UNC5D: variants seen among roughly 807,000 people sequenced by gnomAD.
The protein encoded by UNC5D is netrin receptor UNC5D.
In UNC5D, 39 loss-of-function variants were observed where a neutral mutation model predicts 105.4. The ratio of observed to expected loss-of-function variants is 0.37; its 90% CI spans 0.29 to 0.48. The LOEUF is 0.48. Among genes scored for constraint, UNC5D ranks in the 20% least tolerant of loss-of-function variants. The pLI is 0.98. For synonymous variants in UNC5D, 452 were observed against 450.4 expected (o/e 1.00, Z -0.04); for missense variants, 991 against 1,202.4 (o/e 0.82, Z 2.60).
chr8:35,788,916 G>A (rs1401408718), intron 16 of UNC5D, among the ~76,000 whole-genome samples: 1 of 151,388 alleles, frequency 6.6e-6, no homozygotes, highest in Admixed American at 6.6e-5. Flanking sequence ...ATCTACCCTT[G>A]TTCGTTCTTC....
intron 4 of UNC5D, among the ~76,000 whole-genome samples, chr8:35,660,942 T>TA (rs907172860): frequency 5.3e-5 from 8 of 151,994 alleles, no homozygotes; most frequent in African/African-American, 1.9e-4. Context: ...AATATTTATT[T>TA]AAAAAACTAG....
chr8:35,686,545 TG>T lies in UNC5D; in HGVS notation c.922del (p.Asp308MetfsTer40). ...TGGTTTCTTTTGTTTCCCTTTGAAG[TG>T]GATGGGAGCTGGGAAGTGTGGAGCG... ...QKITCTSLCP[V>X]DGSWEVWSEW... On this transcript the variant is annotated frameshift_variant and splice_region_variant, in exon 7 of 17. Transcript: ENST00000404895. LOFTEE classifies it high-confidence loss of function. 6.4e-7 allele frequency: 1 copy of T among 1,557,548 alleles called. No individual in the cohort carries two copies. The highest frequency in any genetic ancestry group is 2.4e-5 in the East Asian group (1 of 41,698).
At chr8:35,293,676 A>C (rs973537222) in intron 1 of UNC5D, among the ~76,000 whole-genome samples, 2 of 152,188 alleles carry the variant, frequency 1.3e-5, no homozygotes. Flanking sequence ...CAACATCTGG[A>C]CATAATTTTG....
chr8:35,374,985 T>C (rs543543308), intron 1 of UNC5D, among the ~76,000 whole-genome samples: 2 of 152,282 alleles, frequency 1.3e-5, no homozygotes, highest in South Asian at 2.1e-4. Flanking sequence ...TACAACATTT[T>C]CTATATTATT....
At chr8:35,450,755 A>G (rs1341444849) in intron 1 of UNC5D, among the ~76,000 whole-genome samples, 1 of 152,208 alleles carries the variant, frequency 6.6e-6, no homozygotes, top group Admixed American at 6.5e-5. Context: ...CGCCTTCCAT[A>G]GAAACCATAA....
intron 1 of UNC5D, chr8:35,254,430 C>T (rs1329916372): frequency 1.3e-5 from 2 of 152,070 alleles, no homozygotes; most frequent in African/African-American, 2.4e-5. Context: ...ATTCCATGAT[C>T]AAATGGCTGA....
intron 1 of UNC5D, among the ~76,000 whole-genome samples, chr8:35,466,968 C>A (rs1418545833): frequency 1.3e-5 from 2 of 152,104 alleles, no homozygotes; most frequent in African/African-American, 4.8e-5. Flanking sequence ...CTTGCTGCAA[C>A]TTAATTTTAC....
At chr8:35,385,677 G>A (rs754779716) in intron 1 of UNC5D, among the ~76,000 whole-genome samples, 1 of 152,016 alleles carries the variant, frequency 6.6e-6, no homozygotes. Context: ...GTGTTAGCCA[G>A]GATGGTCTCG....
chr8:35,509,235 C>T (rs969005106), intron 1 of UNC5D, among the ~76,000 whole-genome samples: 80 of 151,944 alleles, frequency 5.3e-4, no homozygotes, highest in African/African-American at 1.9e-3. Flanking sequence ...GTATCAGAAT[C>T]ACAGGAATAG....
At chr8:35,376,211 C>T (rs1802693620) in intron 1 of UNC5D, among the ~76,000 whole-genome samples, 1 of 152,120 alleles carries the variant, frequency 6.6e-6, no homozygotes, top group Non-Finnish European at 1.5e-5. Flanking sequence ...ATCATTTGTT[C>T]CATGCATTTT....
intron 1 of UNC5D, among the ~76,000 whole-genome samples, chr8:35,270,655 T>A (rs1313195935): frequency 6.6e-6 from 1 of 152,216 alleles, no homozygotes; most frequent in Admixed American, 6.5e-5. Flanking sequence ...AAATTAAAAC[T>A]AAAATCTTGT....
intron 12 of UNC5D, among the ~76,000 whole-genome samples, chr8:35,749,994 A>AC (rs1830192576): frequency 6.6e-6 from 1 of 151,776 alleles, no homozygotes; most frequent in Non-Finnish European, 1.5e-5. Flanking sequence ...AGTTGTAAAA[A>AC]AAAAAAAGTT....
At chr8:35,685,399 C>G (rs1825940280) in intron 6 of UNC5D, among the ~76,000 whole-genome samples, 1 of 152,092 alleles carries the variant, frequency 6.6e-6, no homozygotes, top group African/African-American at 2.4e-5. Flanking sequence ...TGGAAGATGA[C>G]TTTCTTCATG....
At chr8:35,764,432 C>T (rs147340779) in intron 14 of UNC5D, among the ~76,000 whole-genome samples, 1 of 152,060 alleles carries the variant, frequency 6.6e-6, no homozygotes, top group South Asian at 2.1e-4. Context: ...GGAGGAAGGG[C>T]TGCCCATGGT....
At chr8:35,686,405 A>ATT (rs770009658) in intron 6 of UNC5D, 140 bp from the exon 7 acceptor site, 34 of 896,950 alleles carry the variant, frequency 3.8e-5, no homozygotes, top group Non-Finnish European at 4.3e-5. Flanking sequence ...TGGAGAGAAG[A>ATT]TAAGTGGATA....
At chr8:35,381,312 C>G (rs1227641216) in intron 1 of UNC5D, among the ~76,000 whole-genome samples, 1 of 152,100 alleles carries the variant, frequency 6.6e-6, no homozygotes, top group African/African-American at 2.4e-5. Context: ...AATAATTTAT[C>G]TTGTTCTTTT....
chr8:35,343,481 T>C (rs182413247), intron 1 of UNC5D, among the ~76,000 whole-genome samples: 3 of 152,122 alleles, frequency 2.0e-5, no homozygotes, highest in Admixed American at 1.3e-4. Flanking sequence ...TGGTTTATTG[T>C]TTATAGCTTA....
At chr8:35,300,176 G>A (rs1263820218) in intron 1 of UNC5D, among the ~76,000 whole-genome samples, 1 of 151,942 alleles carries the variant, frequency 6.6e-6, no homozygotes, top group Non-Finnish European at 1.5e-5. Context: ...GACTGGGCAT[G>A]GTGGCTCACG....
chr8:35,556,891 C>T (rs942608036), intron 2 of UNC5D, among the ~76,000 whole-genome samples: 1 of 152,198 alleles, frequency 6.6e-6, no homozygotes, highest in African/African-American at 2.4e-5. Context: ...TCCTAGCCCT[C>T]ACTCAAAATG....
Sources: gnomAD v4.1 joint callset for allele counts (sites outside exome capture counted in the v4.1 genomes callset) on GRCh38, gnomAD v4.1.1 for gene constraint, MANE v1.5 for transcripts, NCBI Gene and HGNC (gene_info 2026-07-23, HGNC 2026-07-21) for gene names.